The following RNF8 variants were observed in gnomAD, a reference collection of about 807,000 sequenced individuals.
RNF8 encodes the protein ring finger protein 8.
In RNF8, 8 loss-of-function variants were observed where a neutral mutation model predicts 59.3. The observed-to-expected ratio is 0.13, with a 90% CI of 0.08 to 0.24. The LOEUF is 0.24. RNF8 is among the 10% of genes least tolerant of loss of function. RNF8 has a pLI of 1.00. For synonymous variants in RNF8, 162 were observed against 200.0 expected (o/e 0.81, Z 1.60); for missense variants, 406 against 572.6 (o/e 0.71, Z 2.97).
rs554957354 is a variant in RNF8, at chr6:37,375,009, T to C, written c.1128+300T>C. Among the ~76,000 whole-genome samples, 17 of 152,354 alleles carry C rather than the reference T, an allele frequency of 1.1e-4. No individual in the cohort carries two copies. In the South Asian group the frequency reaches 1.4e-3, roughly 13 times the overall value. On this transcript the variant is annotated intron_variant, in intron 5 of 7. Transcript: ENST00000373479. Reference sequence around the variant, plus strand: ...GTCACTGATACAGACTGAGGAATATTGTAGTCAAGAAATAGTTCCTCCTGA... The same window carrying C: ...GTCACTGATACAGACTGAGGAATATCGTAGTCAAGAAATAGTTCCTCCTGA...
chr6:37,365,209 G>A (rs189998877), intron 2 of RNF8, among the ~76,000 whole-genome samples: 26 of 152,298 alleles, frequency 1.7e-4, no homozygotes, highest in Non-Finnish European at 2.9e-4. Flanking sequence ...CAGTGTGGAC[G>A]AATCTCAGAG....
rs930366658 is a variant in RNF8 at position 37,354,012 on chromosome 6, G to T, written c.-153G>T. ...TGCTCCTGCTTCCTGGCCGAGGGCG[G>T]GCGAGCGGAGCCTGCTTTCGCAGCG... is the stretch of plus-strand genomic sequence containing the variant. On this transcript the variant is annotated 5_prime_UTR_variant, in exon 1 of 8. Coordinates refer to ENST00000373479, the MANE Select transcript of RNF8 (RefSeq NM_003958.4). 2.9e-6 allele frequency: 2 copies of T among 701,300 alleles called. No individual in the cohort carries two copies. The highest frequency in any genetic ancestry group is 4.9e-6 in the Non-Finnish European group (2 of 411,148). 43.4% of individuals were successfully genotyped at this position (701,300 alleles called of 1,614,324 possible).
chr6:37,357,403 GA>G (rs1769161965), intron 1 of RNF8, among the ~76,000 whole-genome samples: 2 of 152,154 alleles, frequency 1.3e-5, no homozygotes, highest in South Asian at 4.1e-4. Context: ...GCAATGTCAG[GA>G]AAAGGCACTC....
intron 1 of RNF8, among the ~76,000 whole-genome samples, chr6:37,357,716 C>A (rs928730214): frequency 2.0e-5 from 3 of 152,224 alleles, no homozygotes; most frequent in Admixed American, 6.5e-5. Context: ...ACAAGTGAGA[C>A]TGTATGAGTT....
At chr6:37,376,234 C>A (rs764542272) in intron 5 of RNF8, among the ~76,000 whole-genome samples, 1 of 152,078 alleles carries the variant, frequency 6.6e-6, no homozygotes, top group Non-Finnish European at 1.5e-5. Context: ...ACTTAATGTC[C>A]CATCTGGTCT....
At chr6:37,371,149 G>A (rs1364992638) in intron 3 of RNF8, among the ~76,000 whole-genome samples, 1 of 152,178 alleles carries the variant, frequency 6.6e-6, no homozygotes, top group African/African-American at 2.4e-5. Context: ...GTGAGTGCCA[G>A]CACTGGGAAT....
At chr6:37,362,102 C>T (rs114983681) in intron 2 of RNF8, among the ~76,000 whole-genome samples, 2,436 of 152,224 alleles carry the variant, frequency 0.016, 59 homozygotes, top group African/African-American at 0.055. Flanking sequence ...TCTGTAATAG[C>T]GTATATCAAA....
intron 5 of RNF8, among the ~76,000 whole-genome samples, chr6:37,376,027 A>G (rs1769999347): frequency 6.6e-6 from 1 of 152,174 alleles, no homozygotes; most frequent in Non-Finnish European, 1.5e-5. Context: ...AGGTAATTCA[A>G]GAGGCCTGTC....
intron 2 of RNF8, among the ~76,000 whole-genome samples, chr6:37,367,893 G>A (rs1290289032): frequency 6.6e-6 from 1 of 152,180 alleles, no homozygotes; most frequent in Non-Finnish European, 1.5e-5. Flanking sequence ...ACCCACATCT[G>A]AGTCCAGAGC....
At chr6:37,378,175 T>C (rs1321254200) in intron 6 of RNF8, among the ~76,000 whole-genome samples, 1 of 152,080 alleles carries the variant, frequency 6.6e-6, no homozygotes, top group Non-Finnish European at 1.5e-5. Context: ...GTGCATGTAG[T>C]CCCAGCTAGT....
At chr6:37,359,495 G>C (rs1015176472) in intron 1 of RNF8, among the ~76,000 whole-genome samples, 7 of 152,212 alleles carry the variant, frequency 4.6e-5, no homozygotes, top group Non-Finnish European at 8.8e-5. Context: ...TCTGATGGCA[G>C]ATTAAAAATT....
intron 3 of RNF8, among the ~76,000 whole-genome samples, chr6:37,370,422 T>C (rs568302473): frequency 6.6e-6 from 1 of 152,232 alleles, no homozygotes; most frequent in African/African-American, 2.4e-5. Flanking sequence ...AAGGCTAATA[T>C]GTTCAGGAAC....
rs374150847 is a variant in RNF8, at chr6:37,363,016, G to A, written c.240+2442G>A. Among the ~76,000 whole-genome samples, 75 of 152,298 alleles carry A rather than the reference G, an allele frequency of 4.9e-4. No individual in the cohort carries two copies. In the South Asian group the frequency reaches 0.014, roughly 29 times the overall value. ...ATCCAGCTCTTTCAGAAAATTGGTT[G>A]TTTTAAAGTCACAGTATGAAATGCC... is the stretch of plus-strand genomic sequence containing the variant. On this transcript the variant is annotated intron_variant, in intron 2 of 7. Coordinates refer to ENST00000373479, the MANE Select transcript of RNF8 (RefSeq NM_003958.4).
At chr6:37,374,936 A>G (rs555829825) in intron 5 of RNF8, among the ~76,000 whole-genome samples, 9 of 152,344 alleles carry the variant, frequency 5.9e-5, no homozygotes, top group African/African-American at 2.2e-4. Context: ...AGGCACTTGC[A>G]TCCTGTATTC....
intron 5 of RNF8, 147 bp from the exon 6 acceptor site, chr6:37,376,779 G>A (rs1414255985): frequency 6.5e-6 from 4 of 611,468 alleles, no homozygotes; most frequent in African/African-American, 5.5e-5. Context: ...TAAGCCTTAG[G>A]GAAAGTGTTC....
intron 1 of RNF8, among the ~76,000 whole-genome samples, chr6:37,356,667 T>G (rs1006184175): frequency 6.6e-6 from 1 of 152,168 alleles, no homozygotes; most frequent in Non-Finnish European, 1.5e-5. Flanking sequence ...TTTTCTTCTC[T>G]TGTATTTAGT....
chr6:37,361,298 C>A (rs1769312648), intron 2 of RNF8: 1 of 454,702 alleles, frequency 2.2e-6, no homozygotes, highest in Non-Finnish European at 4.4e-6. Context: ...CTGGTGTCTG[C>A]CTTAAGTTCG....
At chr6:37,388,391 A>G (rs1184350954) in intron 7 of RNF8, among the ~76,000 whole-genome samples, 4 of 152,344 alleles carry the variant, frequency 2.6e-5, no homozygotes, top group East Asian at 1.9e-4. Context: ...GAGGACATCA[A>G]TGGAGCTGTT....
Position 37,381,289 on chromosome 6 carries a change from A to T in RNF8, c.1376A>T (p.Lys459Met). The T allele has an allele frequency of 6.2e-7, 1 of 1,614,224 alleles. No individual in the cohort carries two copies. The highest frequency in any genetic ancestry group is 1.1e-5 in the South Asian group (1 of 91,084). Residue 459 changes from lysine to methionine, a missense_variant, in exon 7 of 8, where the codon AAG becomes ATG. This residue lies in a region of RNF8 where 59 missense variants were observed against 118.5 expected (regional missense o/e 0.50). Transcript: ENST00000373479. ...TTGGTTCTGGACAATTGCATTAATAAGATGGTAAATAATCTGAGCTCAGAA... is the reference window on the plus strand; with the variant it reads ...TTGGTTCTGGACAATTGCATTAATATGATGGTAAATAATCTGAGCTCAGAA... Reference protein sequence around the residue: ...YSLVLDNCINKMVNNLSSEVK... With the variant: ...YSLVLDNCINMMVNNLSSEVK...
Sources: gnomAD v4.1 joint callset for allele counts (sites outside exome capture counted in the v4.1 genomes callset) on GRCh38, gnomAD v4.1.1 for gene constraint, gnomAD v4.1.1 regional missense constraint, MANE v1.5 for transcripts, NCBI Gene and HGNC (gene_info 2026-07-23, HGNC 2026-07-21) for gene names.